The following FBN1 variants were observed in gnomAD, a reference collection of about 807,000 sequenced individuals.
FBN1 encodes fibrillin-1.
A neutral mutation model predicts 365.1 loss-of-function variants in FBN1; 29 were observed. The observed-to-expected ratio is 0.08, with a 90% confidence interval of 0.06 to 0.11. The LOEUF (loss-of-function observed/expected upper bound fraction) is 0.11. FBN1 is among the 10% of genes least tolerant of loss of function. The pLI, the probability that FBN1 is intolerant of heterozygous loss-of-function variation, is 1.00. For synonymous variants in FBN1, 1,210 were observed against 1,270.5 expected, an observed-to-expected ratio of 0.95 and a Z score of 1.01; for missense variants, 2,476 against 3,703.2, an observed-to-expected ratio of 0.67 and a Z score of 8.60.
chr15:48,421,508 C>A (rs1355485469), intron 62 of FBN1, 50 bp downstream of exon 62: 1 of 1,601,954 alleles, frequency 6.2e-7, no homozygotes, highest in Admixed American at 1.7e-5. Context: ...CCACACAGGC[C>A]ACCTCCACAA....
intron 6 of FBN1, among the ~76,000 whole-genome samples, chr15:48,540,324 G>A (rs1044703790): frequency 3.3e-5 from 5 of 152,026 alleles, no homozygotes; most frequent in African/African-American, 9.7e-5. Flanking sequence ...ATTATCGTAC[G>A]TAAGATTTTG....
intron 19 of FBN1, among the ~76,000 whole-genome samples, chr15:48,497,037 A>G (rs2043613970): frequency 6.7e-6 from 1 of 149,338 alleles, no homozygotes; most frequent in Non-Finnish European, 1.5e-5. Flanking sequence ...TATTTTAAGG[A>G]GCAAATCATT....
rs781045902 is a variant in FBN1, at chr15:48,474,272, T to C, written c.4193A>G (p.Asp1398Gly). 6.2e-6 allele frequency: 10 copies of C among 1,614,130 alleles called. No individual in the cohort carries two copies. Among genetic ancestry groups the C allele is most frequent in the Middle Eastern group, 1.7e-4 (1 of 6,060 alleles). The stretch of plus-strand genomic sequence containing the variant: ...GAACATACCTGTACAAGTGAAGCCA[T>C]CACCTGTGTATCCTTCCTTGCACAG... The part of the protein sequence containing the change: ...RCLCKEGYTG[D>G]GFTCTDLDEC... The change falls in exon 34 of 66, where the codon GAT becomes GGT. Residue 1398 changes from aspartate to glycine, a missense_variant. Physicochemically the swap from Asp to Gly is moderately conservative, Grantham distance 94 (BLOSUM62 -1). Coordinates refer to ENST00000316623, the MANE Select transcript of FBN1 (RefSeq NM_000138.5).
chr15:48,619,694 T>A (rs1043286449), intron 2 of FBN1, among the ~76,000 whole-genome samples: 22 of 152,098 alleles, frequency 1.4e-4, no homozygotes, highest in Non-Finnish European at 1.6e-4. Context: ...CACAAAGCTG[T>A]TCAACAATTT....
chr15:48,436,979 C>A lies in FBN1; in HGVS notation c.6478G>T (p.Ala2160Ser). ...TACTCACCTACACATTCATTCCCTG[C>A]TAGAATATAACCAAAGGGACACTCG... Reference protein sequence around the residue: ...RCECPFGYILAGNECVDTDEC... With the variant: ...RCECPFGYILSGNECVDTDEC... Residue 2160 changes from alanine (A) to serine (S), a missense_variant, in exon 53 of 66, where the codon GCA (alanine) becomes TCA (serine). This residue lies in a region of FBN1 where 1,780 missense variants were observed against 2,840.8 expected (regional missense o/e 0.63). Transcript: ENST00000316623. 6.2e-7 allele frequency: 1 copy of A among 1,604,862 alleles called. No individual in the cohort carries two copies.
At chr15:48,451,891 A>G (rs987036141) in intron 45 of FBN1, among the ~76,000 whole-genome samples, 1 of 152,224 alleles carries the variant, frequency 6.6e-6, no homozygotes, top group Non-Finnish European at 1.5e-5. Flanking sequence ...TTCACCGTAC[A>G]CTGAAGTTGA....
In FBN1 at chr15:48,412,571, C is replaced by T. The variant is rs750199580; in HGVS notation, c.8224G>A (p.Glu2742Lys). The T allele has an allele frequency of 2.7e-5, 43 of 1,613,888 alleles. No homozygotes were observed. Among genetic ancestry groups the T allele is most frequent in the Non-Finnish European group, 3.6e-5 (42 of 1,179,902 alleles). The change falls in exon 65 of 66, where the codon GAG becomes AAG. Residue 2742 changes from glutamate (E) to lysine (K), a missense_variant and splice_region_variant. Transcript: ENST00000316623. ...STNETDASNI[E>K]DQSETEANVS... ...GGAGAAACTAACTTCTGACCCACCT[C>T]GATATTGGAGGCATCAGTTTCGTTT...
chr15:48,533,733 A>G (rs1333021792), intron 8 of FBN1, among the ~76,000 whole-genome samples: 1 of 152,200 alleles, frequency 6.6e-6, no homozygotes, highest in Non-Finnish European at 1.5e-5. Flanking sequence ...ATTCTGAATG[A>G]TATCTAATGA....
At chr15:48,475,598 T>C (rs1278776238) in intron 32 of FBN1, among the ~76,000 whole-genome samples, 4 of 152,190 alleles carry the variant, frequency 2.6e-5, no homozygotes, top group Admixed American at 6.5e-5. Flanking sequence ...GAAACCAACA[T>C]CTAACACCAA....
intron 38 of FBN1, among the ~76,000 whole-genome samples, chr15:48,466,848 T>C (rs2043327042): frequency 6.6e-6 from 1 of 152,086 alleles, no homozygotes; most frequent in Non-Finnish European, 1.5e-5. Context: ...TCCATACTTT[T>C]TGAATTTCTT....
At chr15:48,634,191 C>G (rs1890046503) in intron 2 of FBN1, among the ~76,000 whole-genome samples, 1 of 152,200 alleles carries the variant, frequency 6.6e-6, no homozygotes, top group Admixed American at 6.5e-5. Context: ...AAATGATACA[C>G]AATAAACCAT....
chr15:48,536,911 A>G (rs1427746480), intron 7 of FBN1, among the ~76,000 whole-genome samples: 1 of 152,220 alleles, frequency 6.6e-6, no homozygotes, highest in Non-Finnish European at 1.5e-5. Flanking sequence ...TAAAGGAAAC[A>G]GATACAGGCT....
intron 6 of FBN1, among the ~76,000 whole-genome samples, chr15:48,568,049 GAAGAAAGAAAGAAAGAAAGA>G (rs1555403283): frequency 2.5e-5 from 1 of 40,132 alleles, no homozygotes; most frequent in African/African-American, 1.4e-4. Flanking sequence ...AAGAAAGAAA[GAAGAAAGAAAGAAAGAAAGA>G]AAGAAAGAAA....
chr15:48,534,297 A>G, intron 7 of FBN1, 92 bp from the exon 8 acceptor site: 1 of 1,340,340 alleles, frequency 7.5e-7, no homozygotes, highest in Non-Finnish European at 1.0e-6. Flanking sequence ...CAATTATGTT[A>G]CCATATTTAT....
chr15:48,435,543 G>T (rs2043058784), intron 53 of FBN1, among the ~76,000 whole-genome samples: 1 of 151,990 alleles, frequency 6.6e-6, no homozygotes, highest in South Asian at 2.1e-4. Flanking sequence ...AGTAGATTGT[G>T]TTGATTCTGT....
chr15:48,583,255 A>G (rs1240388721), intron 6 of FBN1, among the ~76,000 whole-genome samples: 1 of 152,256 alleles, frequency 6.6e-6, no homozygotes. Flanking sequence ...TTTTCAGCAT[A>G]ACATCACACC....
At chr15:48,579,345 CA>C (rs1223294668) in intron 6 of FBN1, among the ~76,000 whole-genome samples, 1 of 152,142 alleles carries the variant, frequency 6.6e-6, no homozygotes. Flanking sequence ...ATCTATGAAG[CA>C]AAACAGTTAT....
intron 35 of FBN1, among the ~76,000 whole-genome samples, chr15:48,472,127 T>G (rs1383923014): frequency 1.3e-5 from 2 of 152,262 alleles, no homozygotes; most frequent in Non-Finnish European, 1.5e-5. Flanking sequence ...ACAGTGGAGA[T>G]TAAAACCTGT....
Position 48,566,843 on chromosome 15 carries a change from C to G in FBN1, c.539-29035G>C, listed in dbSNP as rs190512481. Among the ~76,000 whole-genome samples, 206 of 152,276 alleles carry G rather than the reference C, an allele frequency of 1.4e-3. 2 individuals are homozygous for G. Among genetic ancestry groups the G allele is most frequent in the Non-Finnish European group, 1.9e-3 (126 of 68,030 alleles). On this transcript the variant is annotated intron_variant, in intron 6 of 65. Coordinates refer to ENST00000316623, the MANE Select transcript of FBN1 (RefSeq NM_000138.5). Reference sequence around the variant, plus strand: ...AACAATCCAACAATCTTGGAAAATCCAAAATATGTCCCAAAGCAATTTATG... The same window carrying G: ...AACAATCCAACAATCTTGGAAAATCGAAAATATGTCCCAAAGCAATTTATG...
Sources: gnomAD v4.1 joint callset for allele counts (sites outside exome capture counted in the v4.1 genomes callset) on GRCh38, gnomAD v4.1.1 for gene constraint, gnomAD v4.1.1 regional missense constraint, MANE v1.5 for transcripts, NCBI Gene and HGNC (gene_info 2026-07-23, HGNC 2026-07-21) for gene names.